CC2D2A: variants seen among roughly 807,000 people sequenced by gnomAD.
CC2D2A encodes coiled-coil and C2 domain-containing protein 2A.
In CC2D2A, 155 loss-of-function variants were observed where a neutral mutation model predicts 212.9. The ratio of observed to expected loss-of-function variants is 0.73; its 90% CI spans 0.64 to 0.83. The LOEUF (loss-of-function observed/expected upper bound fraction) is 0.83. Among genes scored for constraint, CC2D2A ranks in the 40% least tolerant of loss-of-function variants. CC2D2A has a pLI of 0.00. For missense variants in CC2D2A, 1,856 were observed against 1,956.2 expected, an observed-to-expected ratio of 0.95 and a Z score of 0.97; for synonymous variants, 667 against 686.5, an observed-to-expected ratio of 0.97 and a Z score of 0.44.
At chr4:15,505,397 C>T (rs1008364007) in intron 6 of CC2D2A, among the ~76,000 whole-genome samples, 2 of 152,188 alleles carry the variant, frequency 1.3e-5, no homozygotes, top group Non-Finnish European at 2.9e-5. Context: ...ACATGTGGCC[C>T]TGGTTCCCTG....
intron 28 of CC2D2A, among the ~76,000 whole-genome samples, chr4:15,572,935 G>T (rs1263430952): frequency 1.3e-5 from 2 of 152,168 alleles, no homozygotes; most frequent in Non-Finnish European, 2.9e-5. Flanking sequence ...TTGAGGGCAG[G>T]AAGCATCCAG....
At chr4:15,487,093 T>C (rs1261299203) in intron 4 of CC2D2A, among the ~76,000 whole-genome samples, 1 of 152,106 alleles carries the variant, frequency 6.6e-6, no homozygotes, top group East Asian at 1.9e-4. Flanking sequence ...ATGTTCCATG[T>C]GCTGAAGAGA....
intron 24 of CC2D2A, among the ~76,000 whole-genome samples, chr4:15,565,142 C>G (rs775304723): frequency 3.3e-5 from 5 of 152,198 alleles, no homozygotes; most frequent in Non-Finnish European, 5.9e-5. Flanking sequence ...CACAGCCTAC[C>G]CTTTCACCCT....
chr4:15,486,655 A>C (rs1440450655), intron 4 of CC2D2A, among the ~76,000 whole-genome samples: 2 of 151,674 alleles, frequency 1.3e-5, no homozygotes, highest in Admixed American at 1.3e-4. Flanking sequence ...ACTTTCATTT[A>C]TTTCTGCTCT....
intron 33 of CC2D2A, among the ~76,000 whole-genome samples, chr4:15,595,137 T>C (rs1208161365): frequency 6.6e-6 from 1 of 152,180 alleles, no homozygotes; most frequent in Non-Finnish European, 1.5e-5. Flanking sequence ...TCTTTTCTTA[T>C]TAGATACTCT....
chr4:15,533,203 A>C lies in CC2D2A; in HGVS notation c.1477A>C (p.Lys493Gln). ...EYKSEIRQTR[K>Q]FRDAEQEKDR... Reference sequence around the variant, plus strand: ...TATTATATCTTGCAGACAAACAAGAAAATTCCGTGATGCTGAACAAGAAAA... The same window carrying C: ...TATTATATCTTGCAGACAAACAAGACAATTCCGTGATGCTGAACAAGAAAA... The change falls in exon 14 of 37, where the codon AAA (lysine) becomes CAA (glutamine). Residue 493 changes from lysine to glutamine, a missense_variant. Around this residue, in one of 5 missense-constraint regions of CC2D2A, gnomAD observed 1,512 missense variants for 1,579.3 expected, o/e 0.96. Coordinates refer to ENST00000424120, the MANE Select transcript of CC2D2A (RefSeq NM_001378615.1). 6.3e-7 allele frequency: 1 copy of C among 1,579,276 alleles called. No homozygotes were observed. Among genetic ancestry groups the C allele is most frequent in the Non-Finnish European group, 8.5e-7 (1 of 1,170,314 alleles).
At chr4:15,501,065 AC>A (rs893950382) in intron 4 of CC2D2A, among the ~76,000 whole-genome samples, 8 of 152,170 alleles carry the variant, frequency 5.3e-5, no homozygotes, top group Admixed American at 3.3e-4. Flanking sequence ...TCGTGTTGAA[AC>A]CTCAGATTCC....
intron 23 of CC2D2A, among the ~76,000 whole-genome samples, chr4:15,562,713 T>C (rs545148908): frequency 1.4e-4 from 21 of 152,246 alleles, no homozygotes; most frequent in Non-Finnish European, 2.8e-4. Flanking sequence ...ATCCACATTT[T>C]ACAGATGATG....
chr4:15,585,645 T>C (rs2109088087), intron 30 of CC2D2A, among the ~76,000 whole-genome samples: 2 of 152,312 alleles, frequency 1.3e-5, no homozygotes, highest in East Asian at 1.9e-4. Flanking sequence ...TTGAATATTA[T>C]CACCGCAAAG....
chr4:15,570,589 T>C lies in CC2D2A; in HGVS notation c.3594+93T>C, dbSNP rs911903852. The C allele has an allele frequency of 6.2e-6, 5 of 802,030 alleles. 1 individual carries two copies. The Middle Eastern group carries it at 7.4e-4, about 119-fold the overall frequency. 49.7% of individuals were successfully genotyped at this position (802,030 alleles called of 1,614,324 possible). ...TTCTTTGTGGGCCAGGCGCGGTGGC[T>C]CATGCCTGTAATCCCAGCACTTTGG... On this transcript the variant is annotated intron_variant, in intron 28 of 36. Transcript: ENST00000424120.
chr4:15,562,763 C>T (rs933523501), intron 23 of CC2D2A, among the ~76,000 whole-genome samples: 1 of 152,220 alleles, frequency 6.6e-6, no homozygotes, highest in Non-Finnish European at 1.5e-5. Flanking sequence ...TGCCCAAGGG[C>T]AAAGAGTGGA....
chr4:15,597,518 CA>C (rs757618109), intron 35 of CC2D2A, 53 bp downstream of exon 35: 12 of 1,394,350 alleles, frequency 8.6e-6, no homozygotes, highest in Non-Finnish European at 1.2e-5. Flanking sequence ...AGTATAATAC[CA>C]AACTTTAAAC....
intron 17 of CC2D2A, among the ~76,000 whole-genome samples, chr4:15,544,173 T>A (rs1018079214): frequency 1.3e-5 from 2 of 152,154 alleles, no homozygotes; most frequent in Non-Finnish European, 2.9e-5. Flanking sequence ...CACAAAACAT[T>A]GTCTAAACTA....
intron 17 of CC2D2A, among the ~76,000 whole-genome samples, chr4:15,547,442 T>C (rs1718769398): frequency 6.6e-6 from 1 of 152,130 alleles, no homozygotes; most frequent in East Asian, 1.9e-4. Context: ...TTAACGAACC[T>C]CTCTTCATCC....
intron 11 of CC2D2A, chr4:15,519,484 C>T (rs1053779991): frequency 1.6e-5 from 7 of 447,638 alleles, no homozygotes; most frequent in Non-Finnish European, 3.1e-5. Flanking sequence ...GTTGCTTCCA[C>T]ATTTTTGGGT....
chr4:15,597,593 T>C, intron 35 of CC2D2A, 128 bp downstream of exon 35: 2 of 757,456 alleles, frequency 2.6e-6, no homozygotes, highest in Admixed American at 4.7e-5. Context: ...TGTTTATAGA[T>C]TCCAAATACA....
intron 11 of CC2D2A, among the ~76,000 whole-genome samples, chr4:15,522,438 C>A (rs774852489): frequency 6.6e-6 from 1 of 151,888 alleles, no homozygotes; most frequent in Admixed American, 6.6e-5. Flanking sequence ...ATGGATCATG[C>A]GCCCTCCTAT....
chr4:15,582,376 CAA>C (rs1474254879), intron 30 of CC2D2A, among the ~76,000 whole-genome samples: 1 of 151,462 alleles, frequency 6.6e-6, no homozygotes, highest in Non-Finnish European at 1.5e-5. Flanking sequence ...CAGAAATAAA[CAA>C]AATAAAGACT....
chr4:15,470,353 C>T (rs1258404782), intron 1 of CC2D2A, among the ~76,000 whole-genome samples: 1 of 152,092 alleles, frequency 6.6e-6, no homozygotes, highest in African/African-American at 2.4e-5. Flanking sequence ...ACATTAGCTG[C>T]GTGTTGCATT....
Sources: allele counts gnomAD v4.1 joint callset (sites outside exome capture counted in the v4.1 genomes callset), GRCh38; gene constraint gnomAD v4.1.1; regional missense constraint gnomAD v4.1.1; transcripts MANE v1.5; gene names NCBI Gene and HGNC (gene_info 2026-07-23, HGNC 2026-07-21).